Variants in NGLY1 observed in about 807,000 individuals in gnomAD.
The protein encoded by NGLY1 is peptide-N(4)-(N-acetyl-beta-glucosaminyl)asparagine amidase.
In NGLY1, 68 loss-of-function variants were observed where a neutral mutation model predicts 84.6. The observed-to-expected ratio is 0.80, with a 90% confidence interval of 0.66 to 0.98. The LOEUF is 0.98. NGLY1 is among the 50% of genes least tolerant of loss of function. The pLI is 0.00. For synonymous variants in NGLY1, 280 were observed against 275.2 expected (o/e 1.02, Z -0.17); for missense variants, 779 against 770.2 (o/e 1.01, Z -0.14).
chr3:25,754,123 T>A (rs1706906170), intron 3 of NGLY1, among the ~76,000 whole-genome samples: 1 of 152,154 alleles, frequency 6.6e-6, no homozygotes, highest in Non-Finnish European at 1.5e-5. Context: ...AGTCTATGGA[T>A]ACAAAAACAA....
At chr3:25,765,812 A>G (rs1707537308) in intron 2 of NGLY1, among the ~76,000 whole-genome samples, 1 of 151,558 alleles carries the variant, frequency 6.6e-6, no homozygotes. Context: ...TCAAAGCTAT[A>G]ACCTCAAACT....
At chr3:25,757,698 A>G (rs947614621) in intron 3 of NGLY1, among the ~76,000 whole-genome samples, 1 of 152,238 alleles carries the variant, frequency 6.6e-6, no homozygotes, top group African/African-American at 2.4e-5. Context: ...GATGTGCAAC[A>G]GTGGGCTTGC....
At chr3:25,752,091 G>C (rs976660181) in intron 3 of NGLY1, among the ~76,000 whole-genome samples, 16 of 152,144 alleles carry the variant, frequency 1.1e-4, no homozygotes, top group African/African-American at 3.4e-4. Context: ...AGATGCATGA[G>C]AATCAGTATC....
chr3:25,749,380 A>G (rs1706608212), intron 4 of NGLY1: 2 of 666,556 alleles, frequency 3.0e-6, no homozygotes, highest in Admixed American at 5.4e-5. Context: ...ATGGATATGC[A>G]AAATGTGATA....
chr3:25,762,134 T>C (rs1707348812), intron 3 of NGLY1, among the ~76,000 whole-genome samples: 2 of 152,124 alleles, frequency 1.3e-5, no homozygotes, highest in South Asian at 4.1e-4. Flanking sequence ...CATCGACATT[T>C]TACTTGATAT....
chr3:25,785,707 C>CTATA (rs1708589308), upstream of NGLY1, among the ~76,000 whole-genome samples: 1 of 151,956 alleles, frequency 6.6e-6, no homozygotes. Flanking sequence ...GGAAGATTGT[C>CTATA]TATATACAAA....
intron 2 of NGLY1, among the ~76,000 whole-genome samples, chr3:25,770,387 G>A (rs1707834731): frequency 6.6e-6 from 1 of 152,122 alleles, no homozygotes; most frequent in South Asian, 2.1e-4. Context: ...GACCTCGGGT[G>A]ATCCACCCAC....
At position 25,783,428 on chromosome 3, in the gene NGLY1, C is replaced by T. The variant is rs1287482936; in HGVS notation, c.-38G>A. The T allele has an allele frequency of 8.6e-6, 13 of 1,513,736 alleles. No individual in the cohort carries two copies. The highest frequency in any genetic ancestry group is 1.1e-5 in the Non-Finnish European group (13 of 1,132,444). The allele number at this position is 1,513,736 out of a possible 1,614,324, so 93.8% of individuals were successfully genotyped here. The stretch of plus-strand genomic sequence containing the variant: ...GCGGGCGCCGCCGCCGCCCCTCGCT[C>T]TCCGCGTCCCACACTGAGCAGGCGC... On this transcript the variant is annotated 5_prime_UTR_variant, in exon 1 of 12. Transcript: ENST00000280700. The surrounding 1 kb of genome is among the most constrained non-coding windows in gnomAD (Gnocchi z 4.5).
In NGLY1 at chr3:25,720,282, G is replaced by T. The variant is rs548396519; in HGVS notation, c.1612-91C>A. The T allele has an allele frequency of 3.9e-6, 4 of 1,014,306 alleles. No homozygotes were observed. The East Asian group carries it at 7.7e-5, about 20-fold the overall frequency. 62.8% of individuals were successfully genotyped at this position (1,014,306 alleles called of 1,614,324 possible). ...TTAGTGAAGAATATTACTGTCACAG[G>T]GTAGTATGTACAAGTGGTTATTTAA... On this transcript the variant is annotated intron_variant, in intron 10 of 11. Coordinates refer to ENST00000280700, the MANE Select transcript of NGLY1 (RefSeq NM_018297.4).
In NGLY1 at chr3:25,755,593, A is replaced by G. The variant is rs545124168; in HGVS notation, c.493-4330T>C. The G allele has an allele frequency of 3.4e-6, 5 of 1,465,652 alleles. No homozygotes were observed. The East Asian group carries it at 6.8e-5, about 20-fold the overall frequency. The allele number at this position is 1,465,652 out of a possible 1,614,324, so 90.8% of individuals were successfully genotyped here. A position where few individuals can be genotyped will look rare whatever the true frequency, so the allele number is the denominator to read the frequency against. ...CCCAAAAATATTCTTATTCCCATCA[A>G]CATGGTTTCATCATAGAACACAGCC... On this transcript the variant is annotated intron_variant, in intron 3 of 11. Transcript: ENST00000280700.
At chr3:25,721,039 A>G (rs1354342050) in intron 10 of NGLY1, among the ~76,000 whole-genome samples, 1 of 152,162 alleles carries the variant, frequency 6.6e-6, no homozygotes, top group African/African-American at 2.4e-5. Context: ...ACTTATCTTA[A>G]TGCAATTGAC....
intron 2 of NGLY1, among the ~76,000 whole-genome samples, chr3:25,770,012 C>T (rs1195173054): frequency 6.6e-6 from 1 of 152,182 alleles, no homozygotes; most frequent in African/African-American, 2.4e-5. Context: ...GCTTAGCTCC[C>T]ACTTATAAGT....
chr3:25,747,571 CAT>C (rs1186238741), intron 4 of NGLY1, among the ~76,000 whole-genome samples: 1 of 152,144 alleles, frequency 6.6e-6, no homozygotes, highest in East Asian at 1.9e-4. Context: ...GGAAGAGACA[CAT>C]ATAGTTAAGC....
rs759224404 is a variant in NGLY1, at chr3:25,740,088, T to C, written c.659-289A>G. Among the ~76,000 whole-genome samples the C allele has an allele frequency of 3.3e-5, 5 of 152,206 alleles. No individual in the cohort carries two copies. In the East Asian group the frequency reaches 5.8e-4, roughly 18 times the overall value. ...AACACAATGACCTCTTAGGGAACTA[T>C]AGTCAGTTAGGAATTGATCCTGAAG... is the stretch of plus-strand genomic sequence containing the variant. On this transcript the variant is annotated intron_variant, in intron 4 of 11. Transcript: ENST00000280700.
rs555378152 is a variant in NGLY1, at chr3:25,752,845, A to G, written c.493-1582T>C. 4.9e-4 allele frequency among the ~76,000 whole-genome samples: 75 copies of G among 151,748 alleles called. No homozygotes were observed. In the South Asian group the frequency reaches 0.011, roughly 23 times the overall value. On this transcript the variant is annotated intron_variant, in intron 3 of 11. Coordinates refer to ENST00000280700, the MANE Select transcript of NGLY1 (RefSeq NM_018297.4). ...TAATATAAAATAAATAATATAAAAT[A>G]AAGAAGAAAGCATAGATGGTGTCAA... is the stretch of plus-strand genomic sequence containing the variant.
chr3:25,788,792 G>A (rs1185681223), intron 1 of NGLY1, among the ~76,000 whole-genome samples: 1 of 152,204 alleles, frequency 6.6e-6, no homozygotes, highest in Non-Finnish European at 1.5e-5. Flanking sequence ...GTCACTGAAT[G>A]AGGATCAACT....
intron 4 of NGLY1, chr3:25,749,850 G>C: frequency 1.0e-6 from 1 of 995,988 alleles, no homozygotes; most frequent in South Asian, 1.3e-5. Context: ...CTGGCCATCA[G>C]AGTCACCAAC....
intron 2 of NGLY1, among the ~76,000 whole-genome samples, chr3:25,765,420 C>T (rs1421900389): frequency 6.7e-6 from 1 of 148,302 alleles, no homozygotes; most frequent in Non-Finnish European, 1.5e-5. Flanking sequence ...TGCCACTGCA[C>T]TCCAGCCTAG....
intron 8 of NGLY1, among the ~76,000 whole-genome samples, chr3:25,733,498 TG>T (rs1705656146): frequency 6.6e-6 from 1 of 150,856 alleles, no homozygotes; most frequent in Admixed American, 6.6e-5. Flanking sequence ...TGTGTGTGTG[TG>T]TGTGTGTGTG....
Sources: gnomAD v4.1 joint callset for allele counts (sites outside exome capture counted in the v4.1 genomes callset) on GRCh38, gnomAD v4.1.1 for gene constraint, Gnocchi (gnomAD v3.1) non-coding constraint, MANE v1.5 for transcripts, NCBI Gene and HGNC (gene_info 2026-07-23, HGNC 2026-07-21) for gene names.